MYZAP: variants seen among roughly 807,000 people sequenced by gnomAD.
The protein encoded by MYZAP is myocardial zonula adherens protein, also known as GRINL1A complex locus upstream.
A neutral mutation model predicts 69.4 loss-of-function variants in MYZAP; 66 were observed. That is an observed-to-expected ratio of 0.95 (90% CI 0.78 to 1.17). MYZAP has a LOEUF of 1.17. MYZAP is among the 50% of genes most tolerant of loss of function. The probability of loss-of-function intolerance (pLI) is 0.00; values close to 1 mark genes in which losing one functional copy is unlikely to be tolerated. For synonymous variants in MYZAP, 256 were observed against 205.9 expected, an observed-to-expected ratio of 1.24 and a Z score of -2.09; for missense variants, 611 against 556.2, an observed-to-expected ratio of 1.10 and a Z score of -0.99.
chr15:57,648,019 C>T (rs72745512), intron 10 of MYZAP: 22,302 of 985,352 alleles, frequency 0.023, 303 homozygotes, highest in Admixed American at 0.036. Context: ...TCAAGCCCCA[C>T]CCAAAGGAGG....
chr15:57,659,821 A>G (rs2038190920), intron 10 of MYZAP, among the ~76,000 whole-genome samples: 1 of 152,154 alleles, frequency 6.6e-6, no homozygotes, highest in African/African-American at 2.4e-5. Flanking sequence ...AAACCTATGT[A>G]ACAAGGCTTA....
intron 10 of MYZAP, among the ~76,000 whole-genome samples, chr15:57,641,005 C>T (rs761537289): frequency 6.6e-6 from 1 of 152,172 alleles, no homozygotes; most frequent in African/African-American, 2.4e-5. Flanking sequence ...CCTTGGCCGT[C>T]GGGGCATAGT....
chr15:57,614,008 C>T (rs1008676553), intron 2 of MYZAP, among the ~76,000 whole-genome samples: 7 of 152,152 alleles, frequency 4.6e-5, no homozygotes, highest in East Asian at 3.9e-4. Context: ...TTTTTTTCCC[C>T]GTGTTCAGTT....
intron 10 of MYZAP, among the ~76,000 whole-genome samples, chr15:57,658,417 G>T (rs2038111369): frequency 6.6e-6 from 1 of 152,130 alleles, no homozygotes; most frequent in Non-Finnish European, 1.5e-5. Context: ...ATTTTCCAAA[G>T]TGTCTTTTCT....
At chr15:57,645,639 A>T (rs1246835038) in intron 10 of MYZAP, among the ~76,000 whole-genome samples, 1 of 152,230 alleles carries the variant, frequency 6.6e-6, no homozygotes, top group East Asian at 1.9e-4. Context: ...AGTGGCTGTT[A>T]TTATTACCAC....
At chr15:57,629,107 A>T (rs2036340149) in intron 5 of MYZAP, among the ~76,000 whole-genome samples, 2 of 145,702 alleles carry the variant, frequency 1.4e-5, no homozygotes, top group African/African-American at 5.0e-5. Context: ...AAAAAAAAAA[A>T]GAAAAAGAAT....
intron 2 of MYZAP, among the ~76,000 whole-genome samples, chr15:57,610,540 C>A (rs2035039029): frequency 6.6e-6 from 1 of 152,176 alleles, no homozygotes; most frequent in South Asian, 2.1e-4. Context: ...GAGTTTGAGT[C>A]CCGGCTTCCT....
chr15:57,639,765 A>C (rs1316136366), intron 10 of MYZAP, among the ~76,000 whole-genome samples: 1 of 152,208 alleles, frequency 6.6e-6, no homozygotes, highest in Non-Finnish European at 1.5e-5. Context: ...AAAGGGTTAC[A>C]GTTAAGAAAG....
At chr15:57,609,915 T>C (rs1293748863) in intron 2 of MYZAP, among the ~76,000 whole-genome samples, 1 of 152,218 alleles carries the variant, frequency 6.6e-6, no homozygotes, top group Non-Finnish European at 1.5e-5. Context: ...TCCATAGTCA[T>C]GTGCAACAGA....
chr15:57,662,635 G>A lies in MYZAP; in HGVS notation c.1203+1102G>A, dbSNP rs532587460. The stretch of plus-strand genomic sequence containing the variant: ...TACTAAGCACTCAATAATTTTAAAC[G>A]TATTATTGTTGTTCCCTCTTTATTA... On this transcript the variant is annotated intron_variant, in intron 11 of 12. Transcript: ENST00000267853. 6.6e-5 allele frequency among the ~76,000 whole-genome samples: 10 copies of A among 152,286 alleles called. No individual in the cohort carries two copies. In the East Asian group the frequency reaches 1.4e-3, roughly 21 times the overall value.
chr15:57,625,924 A>C (rs562945779), intron 5 of MYZAP, 32 bp downstream of exon 5: 18 of 1,595,618 alleles, frequency 1.1e-5, no homozygotes, highest in Non-Finnish European at 1.5e-5. Flanking sequence ...TGACAGGGCA[A>C]CCCAGCTTAA....
chr15:57,597,666 T>A (rs1318855584), intron 1 of MYZAP, among the ~76,000 whole-genome samples: 1 of 152,192 alleles, frequency 6.6e-6, no homozygotes, highest in Non-Finnish European at 1.5e-5. Context: ...GCAGGAATGT[T>A]TTGTATGCCT....
intron 1 of MYZAP, among the ~76,000 whole-genome samples, chr15:57,598,764 T>G (rs1276809246): frequency 6.6e-6 from 1 of 152,208 alleles, no homozygotes; most frequent in Non-Finnish European, 1.5e-5. Context: ...CTACCCAGGC[T>G]TAGGCTGCAG....
chr15:57,652,494 A>G (rs1284761662), intron 10 of MYZAP, among the ~76,000 whole-genome samples: 2 of 152,234 alleles, frequency 1.3e-5, no homozygotes, highest in Non-Finnish European at 2.9e-5. Flanking sequence ...ATGTTACAGG[A>G]CTTCCAAAAT....
At chr15:57,647,775 T>C (rs1567226625) in intron 10 of MYZAP, 3 of 985,280 alleles carry the variant, frequency 3.0e-6, no homozygotes, top group Non-Finnish European at 3.6e-6. Flanking sequence ...TTGTTGATCT[T>C]CTTAGATCTG....
At chr15:57,649,383 G>T (rs1227908095) in intron 10 of MYZAP, among the ~76,000 whole-genome samples, 1 of 152,086 alleles carries the variant, frequency 6.6e-6, no homozygotes, top group African/African-American at 2.4e-5. Flanking sequence ...CTATAATTTT[G>T]GCCAGTTAGG....
At chr15:57,632,703 C>A in intron 7 of MYZAP, 144 bp downstream of exon 7, 2 of 1,336,790 alleles carry the variant, frequency 1.5e-6, no homozygotes, top group Non-Finnish European at 2.0e-6. Flanking sequence ...TATTCATCTG[C>A]TCATTCACTC....
intron 4 of MYZAP, among the ~76,000 whole-genome samples, chr15:57,623,139 A>G (rs1473930018): frequency 2.6e-5 from 4 of 152,216 alleles, no homozygotes; most frequent in Non-Finnish European, 5.9e-5. Context: ...CCATCCCATG[A>G]TATAATTTTT....
chr15:57,601,088 TAATC>T (rs757356021), intron 1 of MYZAP, among the ~76,000 whole-genome samples: 6 of 152,034 alleles, frequency 3.9e-5, no homozygotes, highest in Non-Finnish European at 8.8e-5. Context: ...AATAAATAAA[TAATC>T]AAATAAAAAT....
Sources: allele counts gnomAD v4.1 joint callset (sites outside exome capture counted in the v4.1 genomes callset), GRCh38; gene constraint gnomAD v4.1.1; transcripts MANE v1.5; gene names NCBI Gene and HGNC (gene_info 2026-07-23, HGNC 2026-07-21).